Variants in GRIP1 observed in about 807,000 individuals in gnomAD.
GRIP1 encodes glutamate receptor interacting protein 1.
Under a neutral mutation model 129.9 loss-of-function variants are expected in GRIP1, and 45 were observed. The ratio of observed to expected loss-of-function variants is 0.35; its 90% confidence interval spans 0.27 to 0.44. GRIP1 has a LOEUF of 0.44. Among genes scored for constraint, GRIP1 ranks in the 20% least tolerant of loss-of-function variants. The pLI is 1.00. For missense variants in GRIP1, 1,196 were observed against 1,396.8 expected (o/e 0.86, Z 2.29); for synonymous variants, 530 against 520.8 (o/e 1.02, Z -0.24).
intron 1 of GRIP1, among the ~76,000 whole-genome samples, chr12:66,897,129 T>TA (rs2040763372): frequency 6.6e-6 from 1 of 152,154 alleles, no homozygotes; most frequent in South Asian, 2.1e-4. Context: ...AATAAACAGT[T>TA]AGAAATTCAC....
At chr12:66,938,904 C>T (rs1353203109) in intron 1 of GRIP1, among the ~76,000 whole-genome samples, 1 of 151,938 alleles carries the variant, frequency 6.6e-6, no homozygotes, top group East Asian at 1.9e-4. Flanking sequence ...TTGCAGTAAG[C>T]CGAGATGGTG....
chr12:66,400,376 C>T (rs747150037), intron 16 of GRIP1, among the ~76,000 whole-genome samples: 1 of 152,174 alleles, frequency 6.6e-6, no homozygotes, highest in Non-Finnish European at 1.5e-5. Flanking sequence ...TTCCACTGCT[C>T]CTAGGACAGC....
upstream of GRIP1, among the ~76,000 whole-genome samples, chr12:66,682,644 A>C (rs1266591107): frequency 6.6e-6 from 1 of 152,136 alleles, no homozygotes; most frequent in Non-Finnish European, 1.5e-5. Flanking sequence ...ATTCTTTTAT[A>C]TAACATCTCC....
At chr12:66,705,253 C>T (rs1462180233) in intron 1 of GRIP1, among the ~76,000 whole-genome samples, 4 of 152,058 alleles carry the variant, frequency 2.6e-5, no homozygotes, top group Non-Finnish European at 4.4e-5. Flanking sequence ...AGTCAATACT[C>T]TAAACTGTGA....
chr12:66,395,041 T>G (rs2056737415), intron 16 of GRIP1, among the ~76,000 whole-genome samples: 1 of 152,208 alleles, frequency 6.6e-6, no homozygotes, highest in South Asian at 2.1e-4. Flanking sequence ...AAGCTATGTT[T>G]CAACAGCATA....
intron 1 of GRIP1, among the ~76,000 whole-genome samples, chr12:66,844,483 GA>G (rs886932482): frequency 6.6e-6 from 1 of 152,168 alleles, no homozygotes; most frequent in African/African-American, 2.4e-5. Context: ...ACGATGTGGA[GA>G]AATTGGAACC....
intron 1 of GRIP1, among the ~76,000 whole-genome samples, chr12:67,061,303 T>C (rs1439417635): frequency 1.3e-5 from 2 of 152,204 alleles, no homozygotes; most frequent in Non-Finnish European, 2.9e-5. Flanking sequence ...CTTTGTGATA[T>C]AGTAACGTTA....
intron 1 of GRIP1, among the ~76,000 whole-genome samples, chr12:66,741,021 A>G (rs749893328): frequency 3.9e-5 from 6 of 152,226 alleles, no homozygotes; most frequent in Non-Finnish European, 7.3e-5. Context: ...CAATTTGACC[A>G]AGGCTCCTTG....
intron 1 of GRIP1, among the ~76,000 whole-genome samples, chr12:66,915,143 A>G (rs1447948653): frequency 6.6e-6 from 1 of 152,240 alleles, no homozygotes; most frequent in Admixed American, 6.5e-5. Flanking sequence ...AGTCCAAAAG[A>G]AAACTTGGGA....
chr12:66,517,963 A>G lies in GRIP1; in HGVS notation c.516T>C (p.Asp172=). ...CAACTGGACGAGATTTATTTCTATC[A>G]TCATGTGCTCCCCCTAGCAAAGAAA... The part of the protein sequence containing the change: ...FGFVIRGGAH[D]DRNKSRPVVI... Residue 172 remains aspartate, a synonymous_variant, in exon 6 of 25, where the codon GAT becomes GAC. Coordinates refer to ENST00000359742, the MANE Select transcript of GRIP1 (RefSeq NM_001366722.1). 1 of 1,588,880 alleles carries G rather than the reference A, an allele frequency of 6.3e-7. No individual in the cohort carries two copies. The highest frequency in any genetic ancestry group is 8.6e-7 in the Non-Finnish European group (1 of 1,157,188).
chr12:66,593,013 TAA>T (rs758316817), intron 2 of GRIP1, among the ~76,000 whole-genome samples: 25 of 152,206 alleles, frequency 1.6e-4, no homozygotes, highest in Non-Finnish European at 3.5e-4. Flanking sequence ...AATCAAATAT[TAA>T]GTCTCTAATA....
At chr12:67,031,618 T>C (rs768231174) in intron 1 of GRIP1, among the ~76,000 whole-genome samples, 3 of 152,142 alleles carry the variant, frequency 2.0e-5, no homozygotes, top group Non-Finnish European at 4.4e-5. Context: ...CCTGAACCCA[T>C]CATCTTTCCA....
chr12:66,877,145 C>T (rs1422141990), intron 1 of GRIP1, among the ~76,000 whole-genome samples: 2 of 151,912 alleles, frequency 1.3e-5, no homozygotes, highest in Non-Finnish European at 2.9e-5. Context: ...TCTGAGTTGC[C>T]AATACAACAC....
At chr12:66,900,749 C>T (rs1038841161) in intron 1 of GRIP1, among the ~76,000 whole-genome samples, 8 of 152,154 alleles carry the variant, frequency 5.3e-5, no homozygotes, top group African/African-American at 1.9e-4. Context: ...CGAAAGCACA[C>T]CCAAGGACTT....
intron 1 of GRIP1, among the ~76,000 whole-genome samples, chr12:67,038,630 C>T (rs1047538900): frequency 2.6e-5 from 4 of 152,128 alleles, no homozygotes; most frequent in African/African-American, 7.2e-5. Flanking sequence ...GCTTAACATG[C>T]GCTTTCTTAA....
At chr12:66,581,775 C>T (rs868124273) in intron 2 of GRIP1, among the ~76,000 whole-genome samples, 5 of 152,060 alleles carry the variant, frequency 3.3e-5, no homozygotes, top group East Asian at 1.9e-4. Context: ...AGCTTTCCAA[C>T]GAAAAAGAAT....
At chr12:66,349,668 G>A (rs993956191) in intron 24 of GRIP1, among the ~76,000 whole-genome samples, 3 of 152,120 alleles carry the variant, frequency 2.0e-5, no homozygotes, top group Non-Finnish European at 4.4e-5. Context: ...TCTGAATCAC[G>A]ATGCTGAACT....
At chr12:66,491,002 A>G (rs1025702156) in intron 7 of GRIP1, among the ~76,000 whole-genome samples, 2 of 152,326 alleles carry the variant, frequency 1.3e-5, no homozygotes, top group East Asian at 1.9e-4. Flanking sequence ...ATGCTTTTAC[A>G]CTGTTGGTGG....
At chr12:66,701,238 C>A (rs115622096) in intron 1 of GRIP1, among the ~76,000 whole-genome samples, 1 of 152,142 alleles carries the variant, frequency 6.6e-6, no homozygotes, top group Admixed American at 6.5e-5. Context: ...CCTCACCTTA[C>A]CCCTTCCTCC....
Sources: gnomAD v4.1 joint callset for allele counts (sites outside exome capture counted in the v4.1 genomes callset) on GRCh38, gnomAD v4.1.1 for gene constraint, MANE v1.5 for transcripts, NCBI Gene and HGNC (gene_info 2026-07-23, HGNC 2026-07-21) for gene names.